The following HLCS variants were observed in gnomAD, a reference collection of about 807,000 sequenced individuals.
The protein encoded by HLCS is biotin--protein ligase.
Under a neutral mutation model 75.0 loss-of-function variants are expected in HLCS, and 53 were observed. The observed-to-expected ratio is 0.71, with a 90% confidence interval of 0.57 to 0.89. The LOEUF (loss-of-function observed/expected upper bound fraction) is 0.89. Ranked by LOEUF, HLCS falls within the 40% of genes least tolerant of loss-of-function variation. The pLI, the probability that HLCS is intolerant of heterozygous loss-of-function variation, is 0.00. For missense variants in HLCS, 966 were observed against 1,074.0 expected (o/e 0.90, Z 1.41); for synonymous variants, 431 against 428.6 (o/e 1.01, Z -0.07).
chr21:36,760,803 C>G (rs116404220), intron 8 of HLCS, among the ~76,000 whole-genome samples: 2,054 of 152,288 alleles, frequency 0.013, 34 homozygotes, highest in African/African-American at 0.044. Flanking sequence ...AATGGACCAA[C>G]ACTGGACAGT....
At chr21:36,947,045 T>C (rs571600294) in intron 2 of HLCS, among the ~76,000 whole-genome samples, 2 of 152,066 alleles carry the variant, frequency 1.3e-5, no homozygotes, top group Admixed American at 1.3e-4. Flanking sequence ...CAGGGCAACC[T>C]CCCGCGGGAA....
chr21:36,844,003 G>A (rs1177928943), intron 6 of HLCS, among the ~76,000 whole-genome samples: 2 of 152,190 alleles, frequency 1.3e-5, no homozygotes, highest in Non-Finnish European at 2.9e-5. Flanking sequence ...GCAAGACACT[G>A]TCTCTGAAAG....
intron 6 of HLCS, among the ~76,000 whole-genome samples, chr21:36,820,235 G>A (rs1189210489): frequency 6.6e-6 from 1 of 152,248 alleles, no homozygotes; most frequent in Non-Finnish European, 1.5e-5. Flanking sequence ...GCCAGCTGCA[G>A]CGGAGGAGGC....
At chr21:36,832,161 G>A (rs575069664) in intron 6 of HLCS, among the ~76,000 whole-genome samples, 2 of 152,272 alleles carry the variant, frequency 1.3e-5, no homozygotes, top group East Asian at 1.9e-4. Flanking sequence ...ATGCCTCGGC[G>A]CCTCTCCTCT....
chr21:36,837,070 C>A (rs2062439158), intron 6 of HLCS, among the ~76,000 whole-genome samples: 1 of 152,138 alleles, frequency 6.6e-6, no homozygotes, highest in Admixed American at 6.5e-5. Flanking sequence ...GTAATCCCAG[C>A]TACTCTGGAG....
At chr21:36,910,778 TC>T (rs2065670346) in intron 5 of HLCS, among the ~76,000 whole-genome samples, 1 of 152,066 alleles carries the variant, frequency 6.6e-6, no homozygotes, top group African/African-American at 2.4e-5. Flanking sequence ...GCCACACTGG[TC>T]CCCTGTGGTC....
rs188037415 is a variant in HLCS, at chr21:36,834,908, T to A, written c.1892+61952A>T. Among the ~76,000 whole-genome samples, 219 of 152,344 alleles carry A rather than the reference T, an allele frequency of 1.4e-3. 2 individuals carry two copies. Among genetic ancestry groups the A allele is most frequent in the African/African-American group, 5.1e-3 (211 of 41,584 alleles). ...TGAGGTCAAAAATACATTTTTAGGC[T>A]GAAAGATGAGAATAACTTCTTTGGA... On this transcript the variant is annotated intron_variant, in intron 6 of 10. Transcript: ENST00000674895.
chr21:36,897,595 C>A (rs572018988), intron 5 of HLCS, among the ~76,000 whole-genome samples: 1 of 152,218 alleles, frequency 6.6e-6, no homozygotes, highest in Admixed American at 6.5e-5. Flanking sequence ...CAAGAACACT[C>A]GGTCTCAGCC....
At chr21:36,811,402 C>T (rs2145960880) in intron 6 of HLCS, among the ~76,000 whole-genome samples, 1 of 152,294 alleles carries the variant, frequency 6.6e-6, no homozygotes. Flanking sequence ...AAACTATAAC[C>T]TACTGCAGGA....
At chr21:36,899,220 T>G (rs1308148297) in intron 5 of HLCS, among the ~76,000 whole-genome samples, 1 of 152,176 alleles carries the variant, frequency 6.6e-6, no homozygotes. Context: ...ATCTAGATGA[T>G]GGGTATTTGG....
At chr21:36,970,505 T>C (rs990157042), upstream of HLCS, among the ~76,000 whole-genome samples, 8 of 152,064 alleles carry the variant, frequency 5.3e-5, no homozygotes, top group Admixed American at 4.6e-4. Context: ...AGTTGTGGGA[T>C]TACAGGCACA....
chr21:36,771,797 G>A (rs868053608), intron 6 of HLCS, among the ~76,000 whole-genome samples: 1 of 151,906 alleles, frequency 6.6e-6, no homozygotes, highest in African/African-American at 2.4e-5. Context: ...TCAGGAGTTC[G>A]GGACCAGCTG....
chr21:36,840,480 C>T (rs926963498), intron 6 of HLCS, among the ~76,000 whole-genome samples: 18 of 152,092 alleles, frequency 1.2e-4, no homozygotes, highest in Non-Finnish European at 2.1e-4. Context: ...ATAGTGAAAT[C>T]ATGAGCCACA....
intron 2 of HLCS, among the ~76,000 whole-genome samples, chr21:36,944,752 C>T (rs2067304904): frequency 6.6e-6 from 1 of 152,122 alleles, no homozygotes; most frequent in Admixed American, 6.5e-5. Context: ...GTCAAGCTCC[C>T]TTCATTCATT....
chr21:36,922,906 C>T (rs985098588), intron 5 of HLCS, among the ~76,000 whole-genome samples: 4 of 152,254 alleles, frequency 2.6e-5, no homozygotes, highest in Non-Finnish European at 5.9e-5. Flanking sequence ...TGCTCCCCAG[C>T]TATAATTCAC....
At position 36,908,139 on chromosome 21, in the gene HLCS, T is replaced by C. The variant is rs141155917; in HGVS notation, c.1621-11008A>G. On this transcript the variant is annotated intron_variant, in intron 5 of 10. Transcript: ENST00000674895. ...GTGGCTCATATCTGTAATCCCAGCA[T>C]TCTGGGAGGCTGAGGCAAGAGGATT... is the stretch of plus-strand genomic sequence containing the variant. 5.9e-5 allele frequency among the ~76,000 whole-genome samples: 9 copies of C among 151,290 alleles called. No individual in the cohort carries two copies. In the East Asian group the frequency reaches 9.7e-4, roughly 16 times the overall value.
chr21:36,856,875 C>T lies in HLCS; in HGVS notation c.1892+39985G>A, dbSNP rs560152242. 1.3e-4 allele frequency among the ~76,000 whole-genome samples: 19 copies of T among 151,694 alleles called. No individual in the cohort carries two copies. In the South Asian group the frequency reaches 4.0e-3, roughly 32 times the overall value. On this transcript the variant is annotated intron_variant, in intron 6 of 10. Coordinates refer to ENST00000674895, the MANE Select transcript of HLCS (RefSeq NM_001352514.2). ...AACTAAGATTTACTAGCACGTAAAACCACACACACACACAGACATACATAC... is the reference window on the plus strand; with the variant it reads ...AACTAAGATTTACTAGCACGTAAAATCACACACACACACAGACATACATAC...
chr21:36,909,307 G>A (rs1404207447), intron 5 of HLCS, among the ~76,000 whole-genome samples: 2 of 152,300 alleles, frequency 1.3e-5, no homozygotes, highest in East Asian at 3.9e-4. Flanking sequence ...ACTAAAATGG[G>A]TGCATTTTCT....
At position 36,752,130 on chromosome 21, in the gene HLCS, G is replaced by T. The variant is rs2089391736; in HGVS notation, c.*2116C>A. ...TTTGGTTCATGTGAGGCAAAATCAG[G>T]TTTATGGAAAACGCAGCATCTGCTT... On this transcript the variant is annotated 3_prime_UTR_variant, in exon 11 of 11. Coordinates refer to ENST00000674895, the MANE Select transcript of HLCS (RefSeq NM_001352514.2). 6.6e-6 allele frequency: 1 copy of T among 152,594 alleles called. No individual in the cohort carries two copies. The highest frequency in any genetic ancestry group is 2.4e-5 in the African/African-American group (1 of 41,430). The allele number at this position is 152,594 out of a possible 1,614,324, so 9.5% of individuals were successfully genotyped here.
Sources: gnomAD v4.1 joint callset for allele counts (sites outside exome capture counted in the v4.1 genomes callset) on GRCh38, gnomAD v4.1.1 for gene constraint, MANE v1.5 for transcripts, NCBI Gene and HGNC (gene_info 2026-07-23, HGNC 2026-07-21) for gene names.